SGCZ: variants seen among roughly 807,000 people sequenced by gnomAD.
SGCZ encodes zeta-sarcoglycan.
In SGCZ, 40 loss-of-function variants were observed where a neutral mutation model predicts 41.3. The ratio of observed to expected loss-of-function variants is 0.97; its 90% CI spans 0.75 to 1.26. The LOEUF is 1.26. Ranked by LOEUF, SGCZ falls within the 50% of genes most tolerant of loss-of-function variation. The pLI is 0.00. For synonymous variants in SGCZ, 206 were observed against 137.5 expected (o/e 1.50, Z -3.49); for missense variants, 552 against 369.8 (o/e 1.49, Z -4.04).
chr8:14,860,311 A>C (rs1803679313), intron 1 of SGCZ, among the ~76,000 whole-genome samples: 1 of 152,008 alleles, frequency 6.6e-6, no homozygotes, highest in African/African-American at 2.4e-5. Flanking sequence ...TTTGACGCTA[A>C]CTACATTTTA....
intron 4 of SGCZ, among the ~76,000 whole-genome samples, chr8:14,200,602 TG>T (rs1215537957): frequency 5.3e-5 from 8 of 152,006 alleles, no homozygotes; most frequent in Middle Eastern, 3.2e-3. Context: ...TTAAAAGAGG[TG>T]TTTTTTTGTT....
intron 5 of SGCZ, among the ~76,000 whole-genome samples, chr8:14,160,659 T>C (rs1201589156): frequency 1.3e-5 from 2 of 152,172 alleles, no homozygotes; most frequent in Non-Finnish European, 2.9e-5. Context: ...AAGCATGTGA[T>C]TGCTCTTTAT....
chr8:15,085,542 A>C (rs935274998), intron 1 of SGCZ, among the ~76,000 whole-genome samples: 5 of 152,208 alleles, frequency 3.3e-5, no homozygotes, highest in African/African-American at 9.6e-5. Flanking sequence ...TGACATGTCA[A>C]TATCAGCTCA....
chr8:14,538,281 A>G (rs975126928), intron 2 of SGCZ, among the ~76,000 whole-genome samples: 6 of 152,096 alleles, frequency 3.9e-5, no homozygotes, highest in Admixed American at 1.3e-4. Context: ...TTTTTTGTGC[A>G]CAACTTTATG....
intron 2 of SGCZ, among the ~76,000 whole-genome samples, chr8:14,355,914 C>T (rs28579599): frequency 0.026 from 3,983 of 152,300 alleles, 145 homozygotes; most frequent in African/African-American, 0.089. Context: ...TGTTCCTCCA[C>T]TTACAGTGGT....
chr8:14,626,682 G>C (rs1806466839), intron 1 of SGCZ, among the ~76,000 whole-genome samples: 1 of 152,064 alleles, frequency 6.6e-6, no homozygotes, highest in South Asian at 2.1e-4. Flanking sequence ...AAAGATTGGA[G>C]CTTATGCTAC....
intron 1 of SGCZ, among the ~76,000 whole-genome samples, chr8:15,076,905 C>A (rs1246148353): frequency 6.6e-6 from 1 of 152,090 alleles, no homozygotes; most frequent in Non-Finnish European, 1.5e-5. Context: ...ACCATTTTGG[C>A]AAAAACCTTC....
At chr8:14,737,285 T>G (rs1206218569) in intron 1 of SGCZ, among the ~76,000 whole-genome samples, 2 of 151,656 alleles carry the variant, frequency 1.3e-5, no homozygotes, top group Non-Finnish European at 2.9e-5. Flanking sequence ...TAATATTAAT[T>G]TTATAAAGTT....
chr8:15,041,150 T>G (rs1286433016), intron 1 of SGCZ, among the ~76,000 whole-genome samples: 1 of 151,838 alleles, frequency 6.6e-6, no homozygotes, highest in Non-Finnish European at 1.5e-5. Context: ...TAATAGTCAT[T>G]TATTTTTTTT....
intron 4 of SGCZ, among the ~76,000 whole-genome samples, chr8:14,179,697 T>C (rs1443021734): frequency 1.3e-5 from 2 of 152,200 alleles, no homozygotes; most frequent in South Asian, 2.1e-4. Flanking sequence ...TTCCTGAGAG[T>C]TCCCACTTGG....
chr8:15,033,554 A>C (rs1402699109), intron 1 of SGCZ, among the ~76,000 whole-genome samples: 1 of 152,218 alleles, frequency 6.6e-6, no homozygotes, highest in South Asian at 2.1e-4. Context: ...GAAGTTCCAG[A>C]CAAGCTCCTG....
chr8:14,210,598 G>C (rs1343679099), intron 4 of SGCZ, among the ~76,000 whole-genome samples: 1 of 151,766 alleles, frequency 6.6e-6, no homozygotes, highest in East Asian at 2.0e-4. Context: ...GAGTAGCTGG[G>C]ATGACAGGCA....
At chr8:15,132,525 T>C (rs1184878254) in intron 1 of SGCZ, among the ~76,000 whole-genome samples, 1 of 152,174 alleles carries the variant, frequency 6.6e-6, no homozygotes, top group African/African-American at 2.4e-5. Context: ...ACATATGAAA[T>C]CAGATTTTTA....
chr8:14,755,704 A>G (rs1412954705), intron 1 of SGCZ, among the ~76,000 whole-genome samples: 1 of 152,108 alleles, frequency 6.6e-6, no homozygotes, highest in Non-Finnish European at 1.5e-5. Context: ...TTTATTGGTA[A>G]ATATCACCTC....
chr8:14,402,980 A>G (rs1031039366), intron 2 of SGCZ, among the ~76,000 whole-genome samples: 3 of 149,578 alleles, frequency 2.0e-5, no homozygotes, highest in Non-Finnish European at 2.9e-5. Context: ...AGTGGTTTGT[A>G]GTTCTCCTTG....
chr8:14,168,561 C>T (rs987231221), intron 4 of SGCZ, among the ~76,000 whole-genome samples: 11 of 152,096 alleles, frequency 7.2e-5, no homozygotes, highest in Admixed American at 1.3e-4. Flanking sequence ...CCGGCTGCCA[C>T]GTAAGATGTG....
chr8:15,204,127 C>G (rs1285547311), intron 1 of SGCZ, among the ~76,000 whole-genome samples: 1 of 152,034 alleles, frequency 6.6e-6, no homozygotes, highest in Admixed American at 6.6e-5. Flanking sequence ...TGTTACACAT[C>G]TTACATCTCT....
intron 1 of SGCZ, among the ~76,000 whole-genome samples, chr8:14,839,677 T>C (rs1310553991): frequency 6.6e-6 from 1 of 152,162 alleles, no homozygotes; most frequent in Non-Finnish European, 1.5e-5. Context: ...TAAGGACTTT[T>C]TTGTTAAATT....
chr8:14,584,028 T>C (rs1364813472), intron 1 of SGCZ, among the ~76,000 whole-genome samples: 1 of 152,168 alleles, frequency 6.6e-6, no homozygotes, highest in Non-Finnish European at 1.5e-5. Flanking sequence ...GACTCTGTTA[T>C]GGATGCAAGA....
Sources: allele counts gnomAD v4.1 joint callset (sites outside exome capture counted in the v4.1 genomes callset), GRCh38; gene constraint gnomAD v4.1.1; transcripts MANE v1.5; gene names NCBI Gene and HGNC (gene_info 2026-07-23, HGNC 2026-07-21).